WIZ: variants seen among roughly 807,000 people sequenced by gnomAD.
The protein encoded by WIZ is WIZ zinc finger.
In WIZ, 25 loss-of-function variants were observed where a neutral mutation model predicts 140.2. The ratio of observed to expected loss-of-function variants is 0.18; its 90% CI spans 0.13 to 0.25. The LOEUF (loss-of-function observed/expected upper bound fraction) is 0.25, where lower values mean the gene tolerates loss of function less well. Ranked by LOEUF, WIZ falls within the 10% of genes least tolerant of loss-of-function variation. The pLI, the probability that WIZ is intolerant of heterozygous loss-of-function variation, is 1.00. For synonymous variants in WIZ, 1,125 were observed against 1,154.3 expected (o/e 0.97, Z 0.51); for missense variants, 2,231 against 2,632.6 (o/e 0.85, Z 3.34).
rs1293932350 is a variant in WIZ, at chr19:15,421,252, G to A, written c.*1824C>T. On this transcript the variant is annotated 3_prime_UTR_variant, in exon 13 of 13. Transcript: ENST00000673675. ...CCACCCACCCACAGCACAGGATGGA[G>A]AGAAGTGGTTGCGGCCTTCTGCCAC... 1 of 152,350 alleles carries A rather than the reference G, an allele frequency of 6.6e-6. No individual in the cohort carries two copies. The highest frequency in any genetic ancestry group is 1.5e-5 in the Non-Finnish European group (1 of 68,102). 9.4% of individuals were successfully genotyped at this position (152,350 alleles called of 1,614,324 possible).
chr19:15,431,400 C>T (rs984511976), intron 5 of WIZ, among the ~76,000 whole-genome samples: 4 of 152,246 alleles, frequency 2.6e-5, no homozygotes, highest in Non-Finnish European at 5.9e-5. Flanking sequence ...TGCTTCCACA[C>T]ACTACAGCAT....
rs376017770 is a variant in WIZ, at chr19:15,426,969, G to C, written c.4366+13C>G. ...CAACTGTTCTCCCTGCCCTACTGCAGGGTCACACTTACACAGGTTCAGGGG... is the reference window on the plus strand; with the variant it reads ...CAACTGTTCTCCCTGCCCTACTGCACGGTCACACTTACACAGGTTCAGGGG... On this transcript the variant is annotated intron_variant, in intron 9 of 12. Transcript: ENST00000673675. The C allele has an allele frequency of 6.9e-6, 11 of 1,596,686 alleles. No homozygotes were observed. Among genetic ancestry groups the C allele is most frequent in the Admixed American group, 6.8e-5 (4 of 59,048 alleles).
chr19:15,431,032 T>C lies in WIZ; in HGVS notation c.2891A>G (p.Gln964Arg), dbSNP rs1969198930. Reference sequence around the variant, plus strand: ...CTCACCCTTGAGGTCCTGCAGCTCCTGTTTGCTGCCATGAGGAACCTCTGC... The same window carrying C: ...CTCACCCTTGAGGTCCTGCAGCTCCCGTTTGCTGCCATGAGGAACCTCTGC... ...VAAEVPHGSK[Q>R]ELQDLKAQSL... is the part of the protein sequence containing the mutation. Residue 964 changes from glutamine to arginine, a missense_variant, in exon 6 of 13, where the codon CAG becomes CGG. Physicochemically the swap from Gln to Arg is conservative, Grantham distance 43. Transcript: ENST00000673675. 1 of 1,535,008 alleles carries C rather than the reference T, an allele frequency of 6.5e-7. No individual in the cohort carries two copies. Among genetic ancestry groups the C allele is most frequent in the Admixed American group, 2.0e-5 (1 of 50,886 alleles).
rs1162208041 is a variant in WIZ at position 15,427,700 on chromosome 19, T to C, written c.3815-167A>G. On this transcript the variant is annotated intron_variant, in intron 8 of 12. Transcript: ENST00000673675. The surrounding 1 kb of genome is among the most constrained non-coding windows in gnomAD (Gnocchi z 6.4). Reference sequence around the variant, plus strand: ...TGGAGGAGCGGGGCTGGGGGCCAGATACCCGGCAGGAGTGAGGGGAGGCTC... The same window carrying C: ...TGGAGGAGCGGGGCTGGGGGCCAGACACCCGGCAGGAGTGAGGGGAGGCTC... 6.6e-6 allele frequency among the ~76,000 whole-genome samples: 1 copy of C among 151,946 alleles called. No homozygotes were observed. The highest frequency in any genetic ancestry group is 1.5e-5 in the Non-Finnish European group (1 of 67,966).
chr19:15,442,845 G>T lies in WIZ; in HGVS notation c.206-97C>A. ...GAGCCCTGCCAGGTGCCTCAGAAAG[G>T]CCCTGCTGGCTCCCAGTTCCTCTCC... On this transcript the variant is annotated intron_variant, in intron 2 of 12. Transcript: ENST00000673675. The surrounding 1 kb of genome is among the most constrained non-coding windows in gnomAD (Gnocchi z 5.5). The T allele has an allele frequency of 1.5e-6, 1 of 669,200 alleles. No individual in the cohort carries two copies. Among genetic ancestry groups the T allele is most frequent in the Non-Finnish European group, 2.1e-6 (1 of 473,926 alleles). The allele number at this position is 669,200 out of a possible 1,614,324, so 41.5% of individuals were successfully genotyped here. A position where few individuals can be genotyped will look rare whatever the true frequency, so the allele number is the denominator to read the frequency against.
At chr19:15,434,670 C>T (rs1969453815) in intron 5 of WIZ, among the ~76,000 whole-genome samples, 1 of 152,038 alleles carries the variant, frequency 6.6e-6, no homozygotes. Flanking sequence ...TGTTCAGACA[C>T]TCTCCATTCC....
chr19:15,434,357 C>T (rs1047678561), intron 5 of WIZ, among the ~76,000 whole-genome samples: 8 of 150,598 alleles, frequency 5.3e-5, no homozygotes, highest in Admixed American at 2.0e-4. Flanking sequence ...GTCAGGAGAT[C>T]GAGACCGTGC....
Position 15,428,052 on chromosome 19 carries a change from C to CT in WIZ, c.3814+57_3814+58insA, listed in dbSNP as rs1968964546. ...AGCAGGGAGGGGGCTGTGACCCCCC[C>CT]CCCGGGAGGGGCTCCAGGGCCCGCA... On this transcript the variant is annotated intron_variant, in intron 8 of 12. Transcript: ENST00000673675. This position sits in a 1 kb window ranked among gnomAD's most constrained non-coding sequence, Gnocchi z 6.4. 2 of 1,516,818 alleles carry CT rather than the reference C, an allele frequency of 1.3e-6. No individual in the cohort carries two copies. Among genetic ancestry groups the CT allele is most frequent in the Non-Finnish European group, 1.8e-6 (2 of 1,139,348 alleles). The allele number at this position is 1,516,818 out of a possible 1,614,324, so 94.0% of individuals were successfully genotyped here. A position where few individuals can be genotyped will look rare whatever the true frequency, so the allele number is the denominator to read the frequency against.
rs1968965009 is a variant in WIZ, at chr19:15,428,054, C to G, written c.3814+56G>C. 3 of 1,514,446 alleles carry G rather than the reference C, an allele frequency of 2.0e-6. No homozygotes were observed. The highest frequency in any genetic ancestry group is 1.4e-5 in the African/African-American group (1 of 72,194). 93.8% of individuals were successfully genotyped at this position (1,514,446 alleles called of 1,614,324 possible). A position where few individuals can be genotyped will look rare whatever the true frequency, so the allele number is the denominator to read the frequency against. On this transcript the variant is annotated intron_variant, in intron 8 of 12. Coordinates refer to ENST00000673675, the MANE Select transcript of WIZ (RefSeq NM_001371589.1). This position sits in a 1 kb window ranked among gnomAD's most constrained non-coding sequence, Gnocchi z 6.4. ...CAGGGAGGGGGCTGTGACCCCCCCCCCGGGAGGGGCTCCAGGGCCCGCAGT... is the reference window on the plus strand; with the variant it reads ...CAGGGAGGGGGCTGTGACCCCCCCCGCGGGAGGGGCTCCAGGGCCCGCAGT...
intron 12 of WIZ, 123 bp from the exon 13 acceptor site, chr19:15,423,358 G>A (rs1043026014): frequency 4.0e-5 from 48 of 1,210,620 alleles, no homozygotes; most frequent in African/African-American, 1.4e-4. Context: ...CCCAGGAGGC[G>A]GGGGAAGAGG....
intron 2 of WIZ, 147 bp downstream of exon 2, chr19:15,447,956 A>G (rs1297591983): frequency 1.1e-6 from 1 of 937,492 alleles, no homozygotes; most frequent in Non-Finnish European, 1.6e-6. Flanking sequence ...CAAATAAGAA[A>G]CTAAACAGAG....
At chr19:15,441,215 C>G (rs1266244274) in intron 3 of WIZ, among the ~76,000 whole-genome samples, 1 of 152,182 alleles carries the variant, frequency 6.6e-6, no homozygotes, top group Admixed American at 6.5e-5. Flanking sequence ...CTGCATCTCC[C>G]CCTCCAGAAA....
intron 5 of WIZ, among the ~76,000 whole-genome samples, chr19:15,431,455 C>T (rs1398150199): frequency 6.6e-6 from 1 of 152,210 alleles, no homozygotes; most frequent in Non-Finnish European, 1.5e-5. Context: ...AAACTCCCAT[C>T]CCAGGGGATC....
At chr19:15,430,922 G>A (rs1273965832) in intron 6 of WIZ, 90 bp downstream of exon 6, 1 of 1,406,622 alleles carries the variant, frequency 7.1e-7, no homozygotes, top group Non-Finnish European at 9.3e-7. Context: ...GGCAACCTTG[G>A]GCCCCACATT....
At position 15,442,881 on chromosome 19, in the gene WIZ, C is replaced by T. The variant is rs1220517044; in HGVS notation, c.206-133G>A. The T allele has an allele frequency of 2.2e-5, 10 of 461,570 alleles. No homozygotes were observed. Among genetic ancestry groups the T allele is most frequent in the East Asian group, 2.1e-4 (6 of 28,250 alleles). 28.6% of individuals were successfully genotyped at this position (461,570 alleles called of 1,614,324 possible). On this transcript the variant is annotated intron_variant, in intron 2 of 12. Coordinates refer to ENST00000673675, the MANE Select transcript of WIZ (RefSeq NM_001371589.1). The surrounding 1 kb of genome is among the most constrained non-coding windows in gnomAD (Gnocchi z 5.5). ...TCCCAGTTCCTCTCCCTGAGAGGCC[C>T]GTGGCCTCTGTGGTCCTGAGCCCTG...
chr19:15,432,347 C>T, intron 5 of WIZ: 1 of 801,446 alleles, frequency 1.2e-6, no homozygotes, highest in Non-Finnish European at 1.5e-6. Context: ...GTCCCGCAGA[C>T]TGGACGGAAG....
chr19:15,440,733 T>C lies in WIZ; in HGVS notation c.279-18A>G. ...CCCAGCAGCTGCAAGGAAGTGCCAA[T>C]GGGGACAGGTTAGCCATGGGCTGCA... On this transcript the variant is annotated intron_variant, in intron 3 of 12. Transcript: ENST00000673675. This position sits in a 1 kb window ranked among gnomAD's most constrained non-coding sequence, Gnocchi z 6.2. 1 of 1,472,082 alleles carries C rather than the reference T, an allele frequency of 6.8e-7. No individual in the cohort carries two copies. 91.2% of individuals were successfully genotyped at this position (1,472,082 alleles called of 1,614,324 possible). A position where few individuals can be genotyped will look rare whatever the true frequency, so the allele number is the denominator to read the frequency against.
At position 15,424,766 on chromosome 19, in the gene WIZ, G is replaced by A. The variant is rs757410792; in HGVS notation, c.5161C>T (p.Leu1721=). The part of the protein sequence containing the change: ...RDSDKRPSLG[L]APGGLAVVGR... ...ACCACGGCCAGGCCCCCGGGTGCCAGCCCCAGGGACGGCCGCTTGTCACTG... is the reference window on the plus strand; with the variant it reads ...ACCACGGCCAGGCCCCCGGGTGCCAACCCCAGGGACGGCCGCTTGTCACTG... Residue 1721 remains leucine (L), a synonymous_variant, in exon 11 of 13, where the codon CTG becomes TTG. Transcript: ENST00000673675. This position sits in a 1 kb window ranked among gnomAD's most constrained non-coding sequence, Gnocchi z 9.7. The A allele has an allele frequency of 1.9e-6, 3 of 1,579,598 alleles. No homozygotes were observed. Among genetic ancestry groups the A allele is most frequent in the South Asian group, 2.3e-5 (2 of 87,426 alleles).
rs538655272 is a variant in WIZ, at chr19:15,442,519, G to A, written c.278+157C>T. On this transcript the variant is annotated intron_variant, in intron 3 of 12. Coordinates refer to ENST00000673675, the MANE Select transcript of WIZ (RefSeq NM_001371589.1). This position sits in a 1 kb window ranked among gnomAD's most constrained non-coding sequence, Gnocchi z 5.5. ...CAGACCTCCCCCAACCCCAGCACACGCCCAGGGGCTTGCCTGCCGGGAGCT... is the reference window on the plus strand; with the variant it reads ...CAGACCTCCCCCAACCCCAGCACACACCCAGGGGCTTGCCTGCCGGGAGCT... Among the ~76,000 whole-genome samples the A allele has an allele frequency of 3.9e-5, 6 of 152,200 alleles. No individual in the cohort carries two copies. The highest frequency in any genetic ancestry group is 1.4e-4 in the African/African-American group (6 of 41,534).
Sources: allele counts gnomAD v4.1 joint callset (sites outside exome capture counted in the v4.1 genomes callset), GRCh38; gene constraint gnomAD v4.1.1; non-coding constraint Gnocchi (gnomAD v3.1); transcripts MANE v1.5; gene names NCBI Gene and HGNC (gene_info 2026-07-23, HGNC 2026-07-21).